The following INSL6 variants were observed in gnomAD, a reference collection of about 807,000 sequenced individuals.
INSL6 encodes insulin-like peptide INSL6.
INSL6 carries 16 observed loss-of-function variants against 9.4 expected under a neutral mutation model. The observed-to-expected ratio is 1.70, with a 90% confidence interval of 1.15 to 2.59. INSL6 has a LOEUF of 2.59. Among genes scored for constraint, INSL6 ranks in the 30% most tolerant of loss-of-function variants. INSL6 has a pLI of 0.00. For missense variants in INSL6, 391 were observed against 257.3 expected (o/e 1.52, Z -3.56); for synonymous variants, 154 against 96.9 (o/e 1.59, Z -3.46).
At chr9:5,016,146 G>A in the INSL6 span, among the ~76,000 whole-genome samples, 11 of 152,262 alleles carry the variant, frequency 7.2e-5, no homozygotes, top group African/African-American at 1.9e-4. Context: ...CCCGCCAAAC[G>A]CTGCCTACTG....
In INSL6 at chr9:5,148,480, C is replaced by T. The variant is rs138579351; in HGVS notation, c.377-14888G>A. Among the ~76,000 whole-genome samples, 426 of 152,294 alleles carry T rather than the reference C, an allele frequency of 2.8e-3. 2 individuals carry two copies. The highest frequency in any genetic ancestry group is 9.4e-3 in the African/African-American group (389 of 41,560). ...GCCATCTCTGATCACTGGCACTGTG[C>T]TCACAATTTTGCTGTCAATATTATT... On this transcript the variant is annotated intron_variant, in intron 2 of 3. Coordinates refer to the INSL6 transcript ENST00000649639.
the INSL6 span, among the ~76,000 whole-genome samples, chr9:5,032,999 A>C: frequency 2.6e-5 from 4 of 152,230 alleles, no homozygotes; most frequent in African/African-American, 9.6e-5. Flanking sequence ...AAACCTTGAA[A>C]AAAAATTAGA....
At chr9:5,032,752 C>T in the INSL6 span, among the ~76,000 whole-genome samples, 1 of 152,136 alleles carries the variant, frequency 6.6e-6, no homozygotes, top group South Asian at 2.1e-4. Flanking sequence ...CTGTATGTCA[C>T]CATCATCAAA....
the INSL6 span, among the ~76,000 whole-genome samples, chr9:5,040,376 T>C: frequency 2.0e-5 from 3 of 152,216 alleles, no homozygotes; most frequent in Non-Finnish European, 4.4e-5. Context: ...ACAGAAGTCT[T>C]TGTGTACTTA....
chr9:5,054,324 A>G, the INSL6 span, among the ~76,000 whole-genome samples: 1 of 152,054 alleles, frequency 6.6e-6, no homozygotes, highest in African/African-American at 2.4e-5. The surrounding 1 kb of genome is among the most constrained non-coding windows in gnomAD (Gnocchi z 4.9). Flanking sequence ...GAAGATTAAC[A>G]TCTTCTTTTG....
At chr9:5,168,506 A>G (rs961099148) in intron 1 of INSL6, among the ~76,000 whole-genome samples, 1 of 152,196 alleles carries the variant, frequency 6.6e-6, no homozygotes, top group African/African-American at 2.4e-5. Context: ...TCTTGCTGAA[A>G]TAAGGCAGGC....
the INSL6 span, among the ~76,000 whole-genome samples, chr9:5,106,413 A>G: frequency 6.6e-6 from 1 of 152,226 alleles, no homozygotes; most frequent in Non-Finnish European, 1.5e-5. Flanking sequence ...GCTGGAGAAG[A>G]TGTGGCGAAA....
chr9:5,031,830 G>A, the INSL6 span, among the ~76,000 whole-genome samples: 1 of 152,210 alleles, frequency 6.6e-6, no homozygotes, highest in East Asian at 1.9e-4. Flanking sequence ...CCCAGCATGG[G>A]CGATGCAGAA....
chr9:5,009,515 T>C, the INSL6 span, among the ~76,000 whole-genome samples: 1 of 152,266 alleles, frequency 6.6e-6, no homozygotes, highest in Middle Eastern at 3.4e-3. Context: ...GTTTTCAAAA[T>C]ATTCTTAAAT....
At chr9:5,111,595 T>C in the INSL6 span, 1 of 363,902 alleles carries the variant, frequency 2.7e-6, no homozygotes, top group South Asian at 2.1e-5. Flanking sequence ...AGCTCTGGAG[T>C]TCCCTGGGCC....
chr9:5,055,716 T>C, the INSL6 span: 3 of 1,599,268 alleles, frequency 1.9e-6, no homozygotes. Flanking sequence ...ATGTCAGTAT[T>C]AAGCAAGCAA....
At chr9:5,117,662 C>T in the INSL6 span, among the ~76,000 whole-genome samples, 1 of 140,890 alleles carries the variant, frequency 7.1e-6, no homozygotes, top group Non-Finnish European at 1.5e-5. Context: ...ATGGTTTTAT[C>T]TTAAATAAAT....
At chr9:5,038,895 A>G in the INSL6 span, among the ~76,000 whole-genome samples, 2 of 152,244 alleles carry the variant, frequency 1.3e-5, no homozygotes, top group Non-Finnish European at 2.9e-5. Context: ...AATAGAATAA[A>G]TGACCAAAAC....
chr9:5,008,482 T>G, the INSL6 span, among the ~76,000 whole-genome samples: 2 of 152,158 alleles, frequency 1.3e-5, no homozygotes, highest in African/African-American at 2.4e-5. Context: ...TTGTCTTGGA[T>G]AGTGGAAGAG....
the INSL6 span, among the ~76,000 whole-genome samples, chr9:5,028,960 C>A: frequency 6.6e-6 from 1 of 152,232 alleles, no homozygotes; most frequent in African/African-American, 2.4e-5. Flanking sequence ...TATGTATTTA[C>A]TGCAGTCGCA....
the INSL6 span, among the ~76,000 whole-genome samples, chr9:5,040,151 C>T: frequency 1.2e-4 from 19 of 152,142 alleles, no homozygotes; most frequent in Admixed American, 1.2e-3. Flanking sequence ...TATAATTTCT[C>T]ACATTGATGG....
chr9:5,163,858 T>C (rs1824981121), downstream of INSL6: 11 of 1,142,360 alleles, frequency 9.6e-6, no homozygotes, highest in Admixed American at 2.1e-5. Flanking sequence ...CAAAAAAAAA[T>C]AGAGTTAAAT....
the INSL6 span, among the ~76,000 whole-genome samples, chr9:5,107,338 G>A: frequency 6.6e-6 from 1 of 151,906 alleles, no homozygotes; most frequent in Non-Finnish European, 1.5e-5. Context: ...CCCCTATGAA[G>A]GCAGATTTGA....
At chr9:5,105,417 A>C in the INSL6 span, among the ~76,000 whole-genome samples, 1 of 152,224 alleles carries the variant, frequency 6.6e-6, no homozygotes, top group Non-Finnish European at 1.5e-5. Flanking sequence ...ATACAAGAGG[A>C]CACAAACAAA....
Sources: gnomAD v4.1 joint callset for allele counts (sites outside exome capture counted in the v4.1 genomes callset) on GRCh38, gnomAD v4.1.1 for gene constraint, Gnocchi (gnomAD v3.1) non-coding constraint, MANE v1.5 for transcripts, NCBI Gene and HGNC (gene_info 2026-07-23, HGNC 2026-07-21) for gene names.